The following SEZ6L2 variants were observed in gnomAD, a reference collection of about 807,000 sequenced individuals.
SEZ6L2 encodes the protein seizure related 6 homolog like 2.
Under a neutral mutation model 97.0 loss-of-function variants are expected in SEZ6L2, and 44 were observed. The ratio of observed to expected loss-of-function variants is 0.45; its 90% confidence interval spans 0.36 to 0.58. The LOEUF is 0.58. Among genes scored for constraint, SEZ6L2 ranks in the 20% least tolerant of loss-of-function variants. The probability of loss-of-function intolerance (pLI) is 0.00; values close to 1 mark genes in which losing one functional copy is unlikely to be tolerated. For synonymous variants in SEZ6L2, 543 were observed against 546.1 expected, an observed-to-expected ratio of 0.99 and a Z score of 0.08; for missense variants, 1,086 against 1,233.3, an observed-to-expected ratio of 0.88 and a Z score of 1.79.
rs370741983 is a variant in SEZ6L2, at chr16:29,872,724, C to T, written c.2508G>A (p.Leu836=). 1.2e-6 allele frequency: 2 copies of T among 1,612,916 alleles called. No homozygotes were observed. Among genetic ancestry groups the T allele is most frequent in the Non-Finnish European group, 1.7e-6 (2 of 1,179,760 alleles). ...ACTGACCTTCCAGTTTTCGGTTGTC[C>T]AGGAGCTCCTCATAGGCAACTGCAG... ...PLCKVAYEEL[L]DNRKLEVTQT... The change falls in exon 15 of 18, where the codon CTG becomes CTA. Residue 836 remains leucine, a synonymous_variant. Transcript: ENST00000617533.
intron 9 of SEZ6L2, among the ~76,000 whole-genome samples, chr16:29,879,289 G>A (rs779038857): frequency 1.3e-5 from 2 of 149,872 alleles, no homozygotes; most frequent in Non-Finnish European, 3.0e-5. Flanking sequence ...GCAGTGCTGC[G>A]ATCTCGGCTC....
rs976875536 is a variant in SEZ6L2, at chr16:29,873,974, A to G, written c.2105-245T>C. The stretch of plus-strand genomic sequence containing the variant: ...GGGTGACAGAGTGAGACCCAGTCTA[A>G]AAAAAATAAAAGAAAATCTCCCAGA... On this transcript the variant is annotated intron_variant, in intron 12 of 17. Transcript: ENST00000617533. The surrounding 1 kb of genome is among the most constrained non-coding windows in gnomAD (Gnocchi z 4.3). 1.4e-4 allele frequency among the ~76,000 whole-genome samples: 22 copies of G among 151,934 alleles called. No individual in the cohort carries two copies. Among genetic ancestry groups the G allele is most frequent in the African/African-American group, 5.1e-4 (21 of 41,354 alleles).
At chr16:29,888,432 T>C (rs568976713) in intron 6 of SEZ6L2, 108 bp downstream of exon 6, 1 of 1,231,136 alleles carries the variant, frequency 8.1e-7, no homozygotes, top group African/African-American at 1.5e-5. Flanking sequence ...TAAACACCCC[T>C]TCAGAATGGG....
intron 8 of SEZ6L2, among the ~76,000 whole-genome samples, chr16:29,882,876 G>T (rs1430552666): frequency 1.3e-5 from 2 of 152,104 alleles, no homozygotes; most frequent in Non-Finnish European, 2.9e-5. Context: ...GATTACAGGC[G>T]TTAGCCATTG....
chr16:29,897,794 C>T, intron 2 of SEZ6L2, 59 bp downstream of exon 2: 2 of 1,535,026 alleles, frequency 1.3e-6, no homozygotes, highest in Non-Finnish European at 1.7e-6. Flanking sequence ...TCCCCATCTC[C>T]CTGAGCCCAT....
At chr16:29,880,591 G>A (rs2068010540) in intron 8 of SEZ6L2, among the ~76,000 whole-genome samples, 1 of 152,150 alleles carries the variant, frequency 6.6e-6, no homozygotes, top group East Asian at 1.9e-4. Context: ...AAAGTGCTGG[G>A]ATTACAGGCA....
At chr16:29,878,153 G>C (rs1328479453) in intron 10 of SEZ6L2, 134 bp downstream of exon 10, 4 of 1,129,532 alleles carry the variant, frequency 3.5e-6, no homozygotes, top group Non-Finnish European at 4.9e-6. Context: ...TGTACCCTTA[G>C]TGCACCAGCC....
intron 5 of SEZ6L2, among the ~76,000 whole-genome samples, chr16:29,894,717 T>C (rs1387749424): frequency 2.0e-5 from 3 of 152,158 alleles, no homozygotes; most frequent in Non-Finnish European, 2.9e-5. Context: ...AAGCACTTGA[T>C]AAACATTTGT....
At chr16:29,885,912 A>T in intron 7 of SEZ6L2, 163 bp from the exon 8 acceptor site, 1 of 606,914 alleles carries the variant, frequency 1.6e-6, no homozygotes, top group Non-Finnish European at 2.7e-6. Context: ...TAATTTTCAC[A>T]AGAACTCTTG....
rs1224166417 is a variant in SEZ6L2 at position 29,899,113 on chromosome 16, T to C, written c.-94A>G. 3.8e-6 allele frequency: 1 copy of C among 261,370 alleles called. No homozygotes were observed. Among genetic ancestry groups the C allele is most frequent in the Non-Finnish European group, 6.0e-6 (1 of 166,924 alleles). The allele number at this position is 261,370 out of a possible 1,614,324, so 16.2% of individuals were successfully genotyped here. On this transcript the variant is annotated 5_prime_UTR_variant, in exon 1 of 18. Coordinates refer to ENST00000617533, the MANE Select transcript of SEZ6L2 (RefSeq NM_001243332.2). The stretch of plus-strand genomic sequence containing the variant: ...CCGTTTATCTTTCCCTTTAATTGTT[T>C]TTTTTTTTTTTTTTTTTTTCCTCGT...
chr16:29,888,415 C>T, intron 6 of SEZ6L2, 125 bp downstream of exon 6: 3 of 998,586 alleles, frequency 3.0e-6, no homozygotes, highest in Non-Finnish European at 4.4e-6. Context: ...ATGGGGACTC[C>T]TCAGGGTAAA....
At chr16:29,896,201 C>T (rs1433647420) in intron 3 of SEZ6L2, among the ~76,000 whole-genome samples, 3 of 152,130 alleles carry the variant, frequency 2.0e-5, no homozygotes, top group Non-Finnish European at 2.9e-5. Flanking sequence ...TGGCCTCAAG[C>T]GATCCTCCTG....
Position 29,885,658 on chromosome 16 carries a change from C to A in SEZ6L2, c.1300G>T (p.Ala434Ser), listed in dbSNP as rs757314967. The A allele has an allele frequency of 6.2e-7, 1 of 1,613,836 alleles. No homozygotes were observed. Among genetic ancestry groups the A allele is most frequent in the African/African-American group, 1.3e-5 (1 of 74,858 alleles). ...AGCAGCTCCACGTAGAGGGACTGGG[C>A]GTCACTGATGAGACCCCGCTCGGGG... is the stretch of plus-strand genomic sequence containing the variant. The part of the protein sequence containing the change: ...DVPERGLISD[A>S]QSLYVELLSE... Residue 434 changes from alanine to serine, a missense_variant, in exon 8 of 18, where the codon GCC (alanine) becomes TCC (serine). Around this residue, in one of 2 missense-constraint regions of SEZ6L2, gnomAD observed 776 missense variants for 794.7 expected, o/e 0.98. Transcript: ENST00000617533.
At chr16:29,895,608 G>T in intron 4 of SEZ6L2, 113 bp downstream of exon 4, 1 of 1,434,898 alleles carries the variant, frequency 7.0e-7, no homozygotes, top group Non-Finnish European at 9.4e-7. Context: ...GAGTTTTTGA[G>T]GTCACCTGAG....
chr16:29,879,518 C>T (rs542859332), intron 9 of SEZ6L2, among the ~76,000 whole-genome samples: 11 of 152,228 alleles, frequency 7.2e-5, no homozygotes, highest in Non-Finnish European at 1.5e-4. Flanking sequence ...AGCCACCGTG[C>T]CCAGCCATGA....
intron 5 of SEZ6L2, among the ~76,000 whole-genome samples, chr16:29,890,660 C>A (rs1004251571): frequency 2.0e-5 from 3 of 151,706 alleles, no homozygotes; most frequent in Non-Finnish European, 4.4e-5. Context: ...GCCTTCCTGA[C>A]TCTACATCTC....
At position 29,876,659 on chromosome 16, in the gene SEZ6L2, G is replaced by T; in HGVS notation, c.2104+97C>A. 1 of 1,165,246 alleles carries T rather than the reference G, an allele frequency of 8.6e-7. No homozygotes were observed. Among genetic ancestry groups the T allele is most frequent in the South Asian group, 1.6e-5 (1 of 64,240 alleles). 72.2% of individuals were successfully genotyped at this position (1,165,246 alleles called of 1,614,324 possible). ...CAGGAAGGACCCCGAGCGAAGGGAT[G>T]GAACCCAGAAAGCACGGGGGTCGGG... On this transcript the variant is annotated intron_variant, in intron 12 of 17. Coordinates refer to ENST00000617533, the MANE Select transcript of SEZ6L2 (RefSeq NM_001243332.2). The surrounding 1 kb of genome is among the most constrained non-coding windows in gnomAD (Gnocchi z 6.5).
chr16:29,878,647 C>T (rs1192509451), intron 9 of SEZ6L2, among the ~76,000 whole-genome samples: 2 of 151,502 alleles, frequency 1.3e-5, no homozygotes, highest in Non-Finnish European at 2.9e-5. Context: ...TGCAGTGGTG[C>T]GATCTTGGTT....
intron 5 of SEZ6L2, among the ~76,000 whole-genome samples, chr16:29,891,573 G>A (rs1218550978): frequency 2.0e-5 from 3 of 152,072 alleles, no homozygotes; most frequent in Non-Finnish European, 2.9e-5. Flanking sequence ...CCAAGGGGGC[G>A]GAGGTTGCAG....
Sources: gnomAD v4.1 joint callset for allele counts (sites outside exome capture counted in the v4.1 genomes callset) on GRCh38, gnomAD v4.1.1 for gene constraint, gnomAD v4.1.1 regional missense constraint, Gnocchi (gnomAD v3.1) non-coding constraint, MANE v1.5 for transcripts, NCBI Gene and HGNC (gene_info 2026-07-23, HGNC 2026-07-21) for gene names.